The following KDM5A variants were observed in gnomAD, a reference collection of about 807,000 sequenced individuals.
KDM5A encodes lysine-specific demethylase 5A.
In KDM5A, 42 loss-of-function variants were observed where a neutral mutation model predicts 193.5. That is an observed-to-expected ratio of 0.22 (90% CI 0.17 to 0.28). KDM5A has a LOEUF of 0.28. Among genes scored for constraint, KDM5A ranks in the 10% least tolerant of loss-of-function variants. The pLI is 1.00. For synonymous variants in KDM5A, 796 were observed against 718.1 expected, an observed-to-expected ratio of 1.11 and a Z score of -1.73; for missense variants, 1,692 against 2,055.1, an observed-to-expected ratio of 0.82 and a Z score of 3.42.
chr12:341,909 A>C (rs1440244823), intron 10 of KDM5A, among the ~76,000 whole-genome samples: 1 of 143,454 alleles, frequency 7.0e-6, no homozygotes, highest in Non-Finnish European at 1.5e-5. Flanking sequence ...CAAAAAAAAA[A>C]AAAGAGAGAG....
At chr12:361,193 C>G (rs1252949780) in intron 5 of KDM5A, among the ~76,000 whole-genome samples, 1 of 150,430 alleles carries the variant, frequency 6.6e-6, no homozygotes, top group Non-Finnish European at 1.5e-5. Context: ...GCAGCACCCC[C>G]CTCCATTTTT....
At chr12:318,058 CT>C in intron 19 of KDM5A, 47 bp downstream of exon 19, 1 of 1,373,804 alleles carries the variant, frequency 7.3e-7, no homozygotes, top group Non-Finnish European at 1.0e-6. Flanking sequence ...CCCACTCTAC[CT>C]TCTGACTTAG....
intron 3 of KDM5A, among the ~76,000 whole-genome samples, chr12:370,348 A>C (rs1944411034): frequency 6.6e-6 from 1 of 152,224 alleles, no homozygotes. Flanking sequence ...AGCTGGTTTC[A>C]TGCCACCTCA....
intron 27 of KDM5A, among the ~76,000 whole-genome samples, chr12:289,798 T>C (rs1472366105): frequency 6.6e-6 from 1 of 151,690 alleles, no homozygotes; most frequent in East Asian, 1.9e-4. Flanking sequence ...TAATAGTAAT[T>C]ACTGGTCAGA....
chr12:338,597 T>C (rs1327476464), intron 10 of KDM5A, among the ~76,000 whole-genome samples: 2 of 152,138 alleles, frequency 1.3e-5, no homozygotes, highest in East Asian at 3.9e-4. Flanking sequence ...TCACTGAACC[T>C]GGGAATGGTC....
intron 20 of KDM5A, among the ~76,000 whole-genome samples, chr12:312,067 C>CT (rs1268734337): frequency 3.9e-5 from 6 of 152,092 alleles, no homozygotes; most frequent in Non-Finnish European, 1.5e-5. Context: ...GAATACGTTC[C>CT]GTTTGGGGGC....
In KDM5A at chr12:307,496, G is replaced by A; in HGVS notation, c.3888C>T (p.Ile1296=). The change falls in exon 23 of 28, where the codon ATC becomes ATT. Residue 1296 remains isoleucine (I), a synonymous_variant. Transcript: ENST00000399788. The surrounding 1 kb of genome is among the most constrained non-coding windows in gnomAD (Gnocchi z 4.3). Reference sequence around the variant, plus strand: ...CAGCTGCTTTTTGGAGTTCTGCACTGATGATCTTTTCAGTTTTTTCTCGAG... The same window carrying A: ...CAGCTGCTTTTTGGAGTTCTGCACTAATGATCTTTTCAGTTTTTTCTCGAG... ...QAAREKTEKI[I]SAELQKAAAN... 6.2e-7 allele frequency: 1 copy of A among 1,613,684 alleles called. No homozygotes were observed.
At position 322,414 on chromosome 12, in the gene KDM5A, T is replaced by C; in HGVS notation, c.2426+3A>G. 2 of 1,611,290 alleles carry C rather than the reference T, an allele frequency of 1.2e-6. No individual in the cohort carries two copies. Among genetic ancestry groups the C allele is most frequent in the Non-Finnish European group, 1.7e-6 (2 of 1,179,884 alleles). ...TGGAGAATTAAACTCTTCTTAGGTT[T>C]ACCTGTGTTTCTGCTTTTTGCTCAG... On this transcript the variant is annotated splice_donor_region_variant and intron_variant, in intron 17 of 27. Transcript: ENST00000399788.
chr12:322,035 C>T (rs1943723816), intron 17 of KDM5A, among the ~76,000 whole-genome samples: 1 of 152,082 alleles, frequency 6.6e-6, no homozygotes, highest in African/African-American at 2.4e-5. Flanking sequence ...GGTAAGAGGA[C>T]TGCAATTTTA....
chr12:353,007 A>T (rs1944182551), intron 8 of KDM5A, among the ~76,000 whole-genome samples: 1 of 152,198 alleles, frequency 6.6e-6, no homozygotes, highest in South Asian at 2.1e-4. Context: ...AGCTTTCACT[A>T]AGAAAAATTT....
rs1943161227 is a variant in KDM5A, at chr12:282,116, A to G, written c.*3340T>C. Reference sequence around the variant, plus strand: ...AGCTCAGCCTGCACAGAAGCACAGAAGCAAAGCCCAGGCAGAACCATGCTA... The same window carrying G: ...AGCTCAGCCTGCACAGAAGCACAGAGGCAAAGCCCAGGCAGAACCATGCTA... On this transcript the variant is annotated 3_prime_UTR_variant, in exon 28 of 28. Coordinates refer to ENST00000399788, the MANE Select transcript of KDM5A (RefSeq NM_001042603.3). 9.9e-6 allele frequency: 3 copies of G among 302,022 alleles called. No individual in the cohort carries two copies. The East Asian group carries it at 1.7e-4, about 17-fold the overall frequency. 18.7% of individuals were successfully genotyped at this position (302,022 alleles called of 1,614,324 possible). A position where few individuals can be genotyped will look rare whatever the true frequency, so the allele number is the denominator to read the frequency against.
intron 8 of KDM5A, among the ~76,000 whole-genome samples, chr12:353,723 C>G (rs560871153): frequency 2.0e-5 from 3 of 152,044 alleles, no homozygotes; most frequent in Non-Finnish European, 2.9e-5. Flanking sequence ...GAGACCGAGA[C>G]TATCCTGGCC....
chr12:339,366 C>T (rs911460746), intron 10 of KDM5A, among the ~76,000 whole-genome samples: 8 of 149,620 alleles, frequency 5.3e-5, no homozygotes, highest in African/African-American at 1.7e-4. Flanking sequence ...AAATTTCATA[C>T]ACTTTGTCTA....
chr12:378,272 C>A (rs1944532000), intron 3 of KDM5A, among the ~76,000 whole-genome samples: 1 of 151,724 alleles, frequency 6.6e-6, no homozygotes, highest in Admixed American at 6.6e-5. Flanking sequence ...CATTTTAAGC[C>A]CCCTTTTTTT....
intron 5 of KDM5A, among the ~76,000 whole-genome samples, chr12:359,067 TAC>T (rs1460773419): frequency 6.6e-6 from 1 of 151,860 alleles, no homozygotes; most frequent in Non-Finnish European, 1.5e-5. Flanking sequence ...CAGGAAATTT[TAC>T]AGTCTTAAAC....
At chr12:323,328 G>A (rs1410802381) in intron 15 of KDM5A, 122 bp from the exon 16 acceptor site, 21 of 1,193,662 alleles carry the variant, frequency 1.8e-5, no homozygotes, top group Non-Finnish European at 3.5e-6. Flanking sequence ...CAATGGCCAA[G>A]GGAATGGGAT....
rs60377454 is a variant in KDM5A, at chr12:323,210, C to CAAAAAAAAAAAAAAAAAAAAAAAA, written c.2151-28_2151-5dup. ...GTCTTCTAATGGGTAGCGATATCTA[C>CAAAAAAAAAAAAAAAAAAAAAAAA]AAAAAAAAAAAAAAAAAAAAAAAAA... On this transcript the variant is annotated splice_region_variant and splice_polypyrimidine_tract_variant and intron_variant, in intron 15 of 27. Coordinates refer to ENST00000399788, the MANE Select transcript of KDM5A (RefSeq NM_001042603.3). 113 of 297,136 alleles carry CAAAAAAAAAAAAAAAAAAAAAAAA rather than the reference C, an allele frequency of 3.8e-4. 19 individuals carry two copies. The highest frequency in any genetic ancestry group is 9.8e-4 in the East Asian group (12 of 12,198). The allele number at this position is 297,136 out of a possible 1,614,324, so 18.4% of individuals were successfully genotyped here.
At chr12:359,005 A>AC (rs397754692) in intron 5 of KDM5A, among the ~76,000 whole-genome samples, 5 of 151,450 alleles carry the variant, frequency 3.3e-5, no homozygotes, top group South Asian at 4.2e-4. Context: ...ATAAAAAAAA[A>AC]CAATAAAAAG....
chr12:323,492 GT>G, intron 15 of KDM5A, 107 bp downstream of exon 15: 2 of 1,186,390 alleles, frequency 1.7e-6, no homozygotes, highest in Non-Finnish European at 2.5e-6. Context: ...AGACAGTGAA[GT>G]TTAGAAGTCC....
Sources: gnomAD v4.1 joint callset for allele counts (sites outside exome capture counted in the v4.1 genomes callset) on GRCh38, gnomAD v4.1.1 for gene constraint, Gnocchi (gnomAD v3.1) non-coding constraint, MANE v1.5 for transcripts, NCBI Gene and HGNC (gene_info 2026-07-23, HGNC 2026-07-21) for gene names.